The following UQCRC2 variants were observed in gnomAD, a reference collection of about 807,000 sequenced individuals.
The protein encoded by UQCRC2 is cytochrome b-c1 complex subunit 2, mitochondrial.
A neutral mutation model predicts 55.6 loss-of-function variants in UQCRC2; 49 were observed. That is an observed-to-expected ratio of 0.88 (90% confidence interval 0.70 to 1.12). The LOEUF (loss-of-function observed/expected upper bound fraction) is 1.12. Among genes scored for constraint, UQCRC2 ranks in the 50% most tolerant of loss-of-function variants. The pLI, the probability that UQCRC2 is intolerant of heterozygous loss-of-function variation, is 0.00. For synonymous variants in UQCRC2, 193 were observed against 192.0 expected (o/e 1.01, Z -0.04); for missense variants, 506 against 547.8 (o/e 0.92, Z 0.76).
At chr16:21,970,195 G>A (rs1898426193) in intron 8 of UQCRC2, among the ~76,000 whole-genome samples, 1 of 152,104 alleles carries the variant, frequency 6.6e-6, no homozygotes, top group African/African-American at 2.4e-5. Context: ...ACCACATTTT[G>A]TTTATTCATT....
At chr16:21,969,680 A>C (rs1277142349) in intron 8 of UQCRC2, among the ~76,000 whole-genome samples, 3 of 152,194 alleles carry the variant, frequency 2.0e-5, no homozygotes, top group African/African-American at 7.2e-5. Context: ...TTACAGCTTA[A>C]GATATAATTT....
chr16:21,967,835 T>C (rs1948129235), intron 7 of UQCRC2, among the ~76,000 whole-genome samples: 1 of 152,118 alleles, frequency 6.6e-6, no homozygotes, highest in African/African-American at 2.4e-5. Context: ...AGAAGGGTGT[T>C]GTGGTAAAAC....
At chr16:21,962,288 T>A (rs1288212797) in intron 4 of UQCRC2, 172 bp from the exon 5 acceptor site, 2 of 702,384 alleles carry the variant, frequency 2.8e-6, no homozygotes, top group Non-Finnish European at 4.6e-6. Flanking sequence ...TGCTGGTTTT[T>A]AAAAAAATTT....
At chr16:21,961,754 C>T (rs1170892325) in intron 4 of UQCRC2, among the ~76,000 whole-genome samples, 2 of 147,498 alleles carry the variant, frequency 1.4e-5, no homozygotes, top group Admixed American at 6.9e-5. Flanking sequence ...TGGGTTCAAG[C>T]GATTCTCCTG....
At position 21,983,377 on chromosome 16, in the gene UQCRC2, TAATC is replaced by T. The variant is rs1898784983; in HGVS notation, c.*209_*212del. 1.9e-6 allele frequency: 1 copy of T among 530,020 alleles called. No individual in the cohort carries two copies. The highest frequency in any genetic ancestry group is 3.1e-5 in the East Asian group (1 of 32,658). 32.8% of individuals were successfully genotyped at this position (530,020 alleles called of 1,614,324 possible). A position where few individuals can be genotyped will look rare whatever the true frequency, so the allele number is the denominator to read the frequency against. ...TTTTCTTACGTTTTTCTCAATGAGT[TAATC>T]AACAAGTATTTATTATGTGCTGATA... On this transcript the variant is annotated 3_prime_UTR_variant, in exon 14 of 14. Coordinates refer to ENST00000268379, the MANE Select transcript of UQCRC2 (RefSeq NM_003366.4).
At chr16:21,961,347 C>CA (rs1898193279) in intron 4 of UQCRC2, 1 of 446,904 alleles carries the variant, frequency 2.2e-6, no homozygotes, top group South Asian at 1.6e-5. Context: ...TAAAGTATGA[C>CA]AGAGTCATGA....
At chr16:21,981,931 C>G (rs1037460737) in intron 13 of UQCRC2, among the ~76,000 whole-genome samples, 12 of 150,972 alleles carry the variant, frequency 7.9e-5, no homozygotes, top group Non-Finnish European at 1.5e-4. Context: ...ACCTCCGCCT[C>G]CCGGGTTCAC....
At chr16:21,958,002 A>G (rs1265961284) in intron 3 of UQCRC2, among the ~76,000 whole-genome samples, 4 of 152,242 alleles carry the variant, frequency 2.6e-5, no homozygotes, top group Admixed American at 1.3e-4. Flanking sequence ...CTATAATTCA[A>G]TATGATGTCA....
intron 6 of UQCRC2, among the ~76,000 whole-genome samples, chr16:21,964,036 A>T: frequency 6.6e-6 from 1 of 152,170 alleles, no homozygotes; most frequent in East Asian, 1.9e-4. Context: ...TGGGAGTCAT[A>T]CAACTTCTGG....
At chr16:21,966,160 AT>A (rs200489119) in intron 7 of UQCRC2, among the ~76,000 whole-genome samples, 90 of 132,378 alleles carry the variant, frequency 6.8e-4, no homozygotes, top group African/African-American at 8.7e-4. Context: ...CAAAAAAAAA[AT>A]ATATATATAT....
Position 21,958,523 on chromosome 16 carries a change from T to G in UQCRC2, c.268-12T>G. 6.2e-7 allele frequency: 1 copy of G among 1,611,996 alleles called. No homozygotes were observed. The highest frequency in any genetic ancestry group is 2.2e-5 in the East Asian group (1 of 44,784). On this transcript the variant is annotated splice_polypyrimidine_tract_variant and intron_variant, in intron 3 of 13. Transcript: ENST00000268379. ...GAAAAGCTACAAAGATAATCATTCT[T>G]TCTTTTTCAAGACGACAAAAGGAGC...
intron 6 of UQCRC2, among the ~76,000 whole-genome samples, chr16:21,964,843 C>T (rs1317574659): frequency 1.3e-5 from 2 of 152,128 alleles, no homozygotes; most frequent in African/African-American, 2.4e-5. Flanking sequence ...CACAGTGCCT[C>T]GCATAGGCAA....
chr16:21,961,835 A>C (rs920743477), intron 4 of UQCRC2, among the ~76,000 whole-genome samples: 5 of 151,292 alleles, frequency 3.3e-5, no homozygotes, highest in Admixed American at 3.3e-4. Context: ...TATTTTCAGT[A>C]GAGACCATGG....
At chr16:21,969,393 G>A (rs935889217) in intron 8 of UQCRC2, among the ~76,000 whole-genome samples, 1 of 152,284 alleles carries the variant, frequency 6.6e-6, no homozygotes, top group African/African-American at 2.4e-5. Flanking sequence ...AATTAGTCGG[G>A]CATGGTGACA....
intron 7 of UQCRC2, among the ~76,000 whole-genome samples, chr16:21,967,656 A>G (rs779465277): frequency 2.6e-5 from 4 of 152,168 alleles, no homozygotes; most frequent in Non-Finnish European, 5.9e-5. Flanking sequence ...CTAGGATTCC[A>G]CATTTAATAT....
chr16:21,960,380 C>G (rs1184945422), intron 4 of UQCRC2, among the ~76,000 whole-genome samples: 3 of 152,226 alleles, frequency 2.0e-5, no homozygotes, highest in African/African-American at 7.2e-5. Context: ...CTCTCTCAGC[C>G]TTCATATAAT....
intron 8 of UQCRC2, among the ~76,000 whole-genome samples, chr16:21,969,237 T>C (rs1421558341): frequency 6.6e-6 from 1 of 152,082 alleles, no homozygotes. Flanking sequence ...TTTGAACATA[T>C]CTGTTAAAAT....
chr16:21,962,732 C>T, intron 5 of UQCRC2, 29 bp from the exon 6 acceptor site: 1 of 1,613,632 alleles, frequency 6.2e-7, no homozygotes, highest in African/African-American at 1.3e-5. Context: ...ATTTTTGACT[C>T]ATAATTCTTA....
chr16:21,955,248 C>G (rs1453604675), intron 1 of UQCRC2, among the ~76,000 whole-genome samples: 1 of 152,068 alleles, frequency 6.6e-6, no homozygotes, highest in Non-Finnish European at 1.5e-5. Context: ...CTATACCATA[C>G]CCAGCAAACT....
Sources: gnomAD v4.1 joint callset for allele counts (sites outside exome capture counted in the v4.1 genomes callset) on GRCh38, gnomAD v4.1.1 for gene constraint, MANE v1.5 for transcripts, NCBI Gene and HGNC (gene_info 2026-07-23, HGNC 2026-07-21) for gene names.